The following MTHFD2L variants were observed in gnomAD, a reference collection of about 807,000 sequenced individuals.
The protein encoded by MTHFD2L is bifunctional methylenetetrahydrofolate dehydrogenase/cyclohydrolase 2, mitochondrial.
MTHFD2L carries 29 observed loss-of-function variants against 34.9 expected under a neutral mutation model. The ratio of observed to expected loss-of-function variants is 0.83; its 90% CI spans 0.62 to 1.13. The LOEUF (loss-of-function observed/expected upper bound fraction) is 1.13. Ranked by LOEUF, MTHFD2L falls within the 50% of genes most tolerant of loss-of-function variation. MTHFD2L has a pLI of 0.00. For missense variants in MTHFD2L, 481 were observed against 446.5 expected (o/e 1.08, Z -0.70); for synonymous variants, 167 against 155.7 (o/e 1.07, Z -0.54).
intron 3 of MTHFD2L, among the ~76,000 whole-genome samples, chr4:74,197,290 A>G (rs1210293223): frequency 1.3e-5 from 2 of 152,186 alleles, no homozygotes; most frequent in African/African-American, 2.4e-5. Flanking sequence ...ATGTGCCCCA[A>G]GGGTGAGATT....
At chr4:74,186,210 T>C (rs560093151) in intron 3 of MTHFD2L, among the ~76,000 whole-genome samples, 1 of 152,036 alleles carries the variant, frequency 6.6e-6, no homozygotes, top group Admixed American at 6.5e-5. Flanking sequence ...AAGTAACTAA[T>C]AATAGAAGAG....
chr4:74,213,385 C>T (rs895701805), intron 5 of MTHFD2L, among the ~76,000 whole-genome samples: 14 of 152,226 alleles, frequency 9.2e-5, no homozygotes, highest in Non-Finnish European at 1.2e-4. Flanking sequence ...TCTTGTAAGG[C>T]GGGCCTGGTG....
chr4:74,277,355 C>T (rs79599965), intron 6 of MTHFD2L, among the ~76,000 whole-genome samples: 3,143 of 151,962 alleles, frequency 0.021, 218 homozygotes, highest in Admixed American at 0.13. Flanking sequence ...AGGAACATCC[C>T]GTTCTAAGAG....
intron 1 of MTHFD2L, among the ~76,000 whole-genome samples, chr4:74,133,636 C>T (rs1240678452): frequency 1.3e-5 from 2 of 152,080 alleles, no homozygotes; most frequent in Admixed American, 1.3e-4. Context: ...AAATGTGGTT[C>T]TCCGTTCCAA....
At chr4:74,241,494 A>C in intron 6 of MTHFD2L, 1 of 314,296 alleles carries the variant, frequency 3.2e-6, no homozygotes, top group East Asian at 1.1e-4. Context: ...CCTGGGCCCA[A>C]GTGATCCTCC....
intron 2 of MTHFD2L, among the ~76,000 whole-genome samples, chr4:74,118,073 T>C (rs966268170): frequency 6.6e-6 from 1 of 152,212 alleles, no homozygotes; most frequent in Non-Finnish European, 1.5e-5. Context: ...CAACCGTGCT[T>C]GGTACATAGG....
intron 3 of MTHFD2L, among the ~76,000 whole-genome samples, chr4:74,189,436 A>G (rs1212737778): frequency 1.3e-5 from 2 of 150,462 alleles, no homozygotes; most frequent in South Asian, 2.1e-4. Context: ...TTGCATGTAA[A>G]GTATGTTAAC....
intron 6 of MTHFD2L, among the ~76,000 whole-genome samples, chr4:74,239,360 T>G (rs1741352245): frequency 2.6e-5 from 4 of 151,878 alleles, no homozygotes; most frequent in Admixed American, 6.6e-5. Context: ...GAGGGAGAGA[T>G]AGCATTAGGA....
intron 5 of MTHFD2L, among the ~76,000 whole-genome samples, chr4:74,204,756 A>G (rs1363197812): frequency 6.6e-6 from 1 of 152,298 alleles, no homozygotes; most frequent in South Asian, 2.1e-4. Flanking sequence ...AAACTAGGTT[A>G]TCCTGTGAAT....
chr4:74,175,555 G>A (rs1207513124), intron 3 of MTHFD2L, 152 bp downstream of exon 3: 1 of 906,216 alleles, frequency 1.1e-6, no homozygotes, highest in Non-Finnish European at 1.7e-6. Context: ...AGTGATTTCT[G>A]AATGATTTGT....
intron 7 of MTHFD2L, 53 bp from the exon 8 acceptor site, chr4:74,301,644 A>G: frequency 9.1e-7 from 1 of 1,099,484 alleles, no homozygotes; most frequent in Non-Finnish European, 1.3e-6. Flanking sequence ...AAAATATTAA[A>G]ATCTCAGATA....
chr4:74,183,614 T>A (rs1436409246), intron 3 of MTHFD2L: 1 of 152,122 alleles, frequency 6.6e-6, no homozygotes, highest in East Asian at 1.9e-4. Flanking sequence ...ATCATGCCAC[T>A]GGACTCCAGC....
intron 3 of MTHFD2L, among the ~76,000 whole-genome samples, chr4:74,184,193 A>G (rs1730712337): frequency 1.3e-5 from 2 of 152,220 alleles, no homozygotes; most frequent in Non-Finnish European, 1.5e-5. Flanking sequence ...ATTTATTCCT[A>G]GAAAATGTAA....
At position 74,175,265 on chromosome 4, in the gene MTHFD2L, C is replaced by G. The variant is rs1728809796; in HGVS notation, c.329-16C>G. The G allele has an allele frequency of 1.9e-6, 3 of 1,609,914 alleles. No homozygotes were observed. The highest frequency in any genetic ancestry group is 2.5e-6 in the Non-Finnish European group (3 of 1,177,926). ...TCAGTTAGTCAAGTGACCTTCTCTACCTGTTTTTCTTCTAGGTATTTGTAG... is the reference window on the plus strand; with the variant it reads ...TCAGTTAGTCAAGTGACCTTCTCTAGCTGTTTTTCTTCTAGGTATTTGTAG... On this transcript the variant is annotated splice_polypyrimidine_tract_variant and intron_variant, in intron 2 of 7. Coordinates refer to ENST00000325278, the MANE Select transcript of MTHFD2L (RefSeq NM_001144978.3).
chr4:74,132,473 C>T (rs187273900), intron 1 of MTHFD2L, among the ~76,000 whole-genome samples: 55 of 152,190 alleles, frequency 3.6e-4, no homozygotes, highest in African/African-American at 1.2e-3. Flanking sequence ...TCATTCTCAG[C>T]AAACTAACAC....
At chr4:74,219,450 G>A (rs1026437709) in intron 5 of MTHFD2L, among the ~76,000 whole-genome samples, 1 of 152,064 alleles carries the variant, frequency 6.6e-6, no homozygotes, top group African/African-American at 2.4e-5. Context: ...GCTGCGACTT[G>A]CTAGTACTAG....
At chr4:74,141,371 A>G (rs1228536583) in intron 1 of MTHFD2L, among the ~76,000 whole-genome samples, 1 of 152,232 alleles carries the variant, frequency 6.6e-6, no homozygotes, top group East Asian at 1.9e-4. Context: ...TACGAATGCT[A>G]GAGAAAGTCA....
At position 74,267,037 on chromosome 4, in the gene MTHFD2L, C is replaced by G. The variant is rs1000588983; in HGVS notation, c.806-14388C>G. 2.0e-4 allele frequency: 201 copies of G among 985,272 alleles called. 1 individual carries two copies. The highest frequency in any genetic ancestry group is 2.4e-4 in the Non-Finnish European group (198 of 829,912). The allele number at this position is 985,272 out of a possible 1,614,324, so 61.0% of individuals were successfully genotyped here. ...GGCTGGTAGCAGAGCTCCCCTCTAC[C>G]TCTTTTCAACTAATATACCTCTCCT... On this transcript the variant is annotated intron_variant, in intron 6 of 7. Coordinates refer to ENST00000325278, the MANE Select transcript of MTHFD2L (RefSeq NM_001144978.3).
At chr4:74,197,774 T>C (rs949742421) in intron 3 of MTHFD2L, among the ~76,000 whole-genome samples, 2 of 152,170 alleles carry the variant, frequency 1.3e-5, no homozygotes, top group Non-Finnish European at 2.9e-5. Flanking sequence ...TAAAAGGAAA[T>C]TGATGTAAAG....
Sources: allele counts gnomAD v4.1 joint callset (sites outside exome capture counted in the v4.1 genomes callset), GRCh38; gene constraint gnomAD v4.1.1; transcripts MANE v1.5; gene names NCBI Gene and HGNC (gene_info 2026-07-23, HGNC 2026-07-21).